The following PSPC1 variants were observed in gnomAD, a reference collection of about 807,000 sequenced individuals.
PSPC1 encodes paraspeckle component 1.
Under a neutral mutation model 51.6 loss-of-function variants are expected in PSPC1, and 14 were observed. That is an observed-to-expected ratio of 0.27 (90% CI 0.18 to 0.42). The LOEUF (loss-of-function observed/expected upper bound fraction) is 0.42. Among genes scored for constraint, PSPC1 ranks in the 10% least tolerant of loss-of-function variants. PSPC1 has a pLI of 1.00. For missense variants in PSPC1, 406 were observed against 701.1 expected, an observed-to-expected ratio of 0.58 and a Z score of 4.75; for synonymous variants, 193 against 231.9, an observed-to-expected ratio of 0.83 and a Z score of 1.53.
intron 3 of PSPC1, among the ~76,000 whole-genome samples, chr13:19,759,105 A>T (rs1887370067): frequency 6.6e-6 from 1 of 152,006 alleles, no homozygotes; most frequent in Non-Finnish European, 1.5e-5. Flanking sequence ...AGCCAAGATC[A>T]CACCACTGCA....
downstream of PSPC1, chr13:19,672,876 A>T (rs1876215109): frequency 5.8e-6 from 2 of 345,310 alleles, no homozygotes; most frequent in Non-Finnish European, 1.1e-5. Flanking sequence ...AGGTTGGAGG[A>T]TTGCTTAAGT....
At chr13:19,761,649 G>A (rs117218483) in intron 2 of PSPC1, among the ~76,000 whole-genome samples, 1 of 152,220 alleles carries the variant, frequency 6.6e-6, no homozygotes, top group East Asian at 1.9e-4. Flanking sequence ...ATATCATGGA[G>A]TGGTGGAATG....
At position 19,759,422 on chromosome 13, in the gene PSPC1, G is replaced by C; in HGVS notation, c.675-4C>G. The C allele has an allele frequency of 1.2e-6, 2 of 1,610,126 alleles. No individual in the cohort carries two copies. Among genetic ancestry groups the C allele is most frequent in the Admixed American group, 1.7e-5 (1 of 59,882 alleles). On this transcript the variant is annotated splice_polypyrimidine_tract_variant and splice_region_variant and intron_variant, in intron 2 of 8. Transcript: ENST00000338910. ...CACAATGACTGGACGAGGGGTCCTGGATAGGTATAAAAGCATTCATAAAAA... is the reference window on the plus strand; with the variant it reads ...CACAATGACTGGACGAGGGGTCCTGCATAGGTATAAAAGCATTCATAAAAA...
At chr13:19,685,511 TAAG>T (rs1204412181) in intron 6 of PSPC1, among the ~76,000 whole-genome samples, 1 of 152,158 alleles carries the variant, frequency 6.6e-6, no homozygotes, top group Non-Finnish European at 1.5e-5. Context: ...ATTCACAACT[TAAG>T]AAGGTCTCCC....
chr13:19,779,989 C>A lies in PSPC1; in HGVS notation c.372+2397G>T, dbSNP rs1593798355. Among the ~76,000 whole-genome samples the A allele has an allele frequency of 1.9e-4, 28 of 145,402 alleles. No individual in the cohort carries two copies. The East Asian group carries it at 3.9e-3, about 20-fold the overall frequency. ...GGTCGGCCCCCCGCCCGGCCAGCCG[C>A]CCCGTCCGGGAGGGAGGTGGGGGGG... On this transcript the variant is annotated intron_variant, in intron 1 of 8. Coordinates refer to ENST00000338910, the MANE Select transcript of PSPC1 (RefSeq NM_001354909.2).
intron 4 of PSPC1, among the ~76,000 whole-genome samples, chr13:19,743,438 T>C (rs1023529824): frequency 2.6e-5 from 4 of 151,478 alleles, no homozygotes; most frequent in African/African-American, 9.7e-5. Context: ...GTAAATATTG[T>C]TCTCCCCATT....
chr13:19,765,819 AAAGTT>A (rs1386980499), intron 2 of PSPC1, among the ~76,000 whole-genome samples: 1 of 152,162 alleles, frequency 6.6e-6, no homozygotes, highest in Non-Finnish European at 1.5e-5. Context: ...GCTTTCCTAA[AAAGTT>A]AAGTAGCAAT....
chr13:19,738,790 C>A (rs888760281), intron 5 of PSPC1, among the ~76,000 whole-genome samples: 1 of 152,016 alleles, frequency 6.6e-6, no homozygotes, highest in African/African-American at 2.4e-5. Flanking sequence ...GTCTATAGTC[C>A]CAGCTACTTG....
intron 5 of PSPC1, among the ~76,000 whole-genome samples, chr13:19,734,295 T>C (rs1366460082): frequency 2.0e-5 from 3 of 152,236 alleles, no homozygotes; most frequent in African/African-American, 7.2e-5. Flanking sequence ...TCACGTTACA[T>C]TTAATTGAAA....
intron 2 of PSPC1, among the ~76,000 whole-genome samples, chr13:19,768,261 T>C (rs982043676): frequency 1.3e-5 from 2 of 150,672 alleles, no homozygotes; most frequent in Non-Finnish European, 3.0e-5. Flanking sequence ...TAAAAGAAAA[T>C]TTAAAAACAA....
chr13:19,712,074 T>C (rs548104251), intron 6 of PSPC1, among the ~76,000 whole-genome samples: 22 of 152,282 alleles, frequency 1.4e-4, no homozygotes, highest in African/African-American at 4.1e-4. Flanking sequence ...ATAATATCTA[T>C]AGTATCTAGA....
At chr13:19,707,904 C>T (rs537807456) in intron 7 of PSPC1, among the ~76,000 whole-genome samples, 2 of 151,710 alleles carry the variant, frequency 1.3e-5, no homozygotes, top group East Asian at 1.9e-4. Context: ...TTAAATAGCA[C>T]CCCAGCATTT....
At chr13:19,695,358 C>T (rs1277545798) in intron 6 of PSPC1, among the ~76,000 whole-genome samples, 2 of 152,122 alleles carry the variant, frequency 1.3e-5, no homozygotes, top group East Asian at 3.9e-4. Context: ...AGAATGTAAA[C>T]ACACTTTTCT....
chr13:19,782,307 C>G lies in PSPC1; in HGVS notation c.372+79G>C. On this transcript the variant is annotated intron_variant, in intron 1 of 8. Transcript: ENST00000338910. This position sits in a 1 kb window ranked among gnomAD's most constrained non-coding sequence, Gnocchi z 4.5. ...CACAGGTTGAGACAGCGTCCTAGGACGAGGCTGGCCTCAGCCCCACGACCC... is the reference window on the plus strand; with the variant it reads ...CACAGGTTGAGACAGCGTCCTAGGAGGAGGCTGGCCTCAGCCCCACGACCC... 3 of 1,489,950 alleles carry G rather than the reference C, an allele frequency of 2.0e-6. No homozygotes were observed. Among genetic ancestry groups the G allele is most frequent in the Non-Finnish European group, 2.7e-6 (3 of 1,123,988 alleles). 92.3% of individuals were successfully genotyped at this position (1,489,950 alleles called of 1,614,324 possible).
chr13:19,702,248 C>A (rs1005664818), downstream of PSPC1, among the ~76,000 whole-genome samples: 6 of 152,280 alleles, frequency 3.9e-5, no homozygotes, highest in Admixed American at 2.6e-4. Context: ...TACAACACTG[C>A]AGAGTCAAGC....
At chr13:19,704,950 G>A (rs958332064) in intron 8 of PSPC1, among the ~76,000 whole-genome samples, 2 of 152,042 alleles carry the variant, frequency 1.3e-5, no homozygotes. Flanking sequence ...AATCATGACA[G>A]GTAATATTTT....
At chr13:19,721,598 A>C (rs1882774041) in intron 6 of PSPC1, among the ~76,000 whole-genome samples, 1 of 152,208 alleles carries the variant, frequency 6.6e-6, no homozygotes, top group South Asian at 2.1e-4. Flanking sequence ...TCATTTTCTA[A>C]ATTCTCAGAA....
At position 19,775,705 on chromosome 13, in the gene PSPC1, A is replaced by ACC. The variant is rs1889046047; in HGVS notation, c.373-3163_373-3162insGG. Among the ~76,000 whole-genome samples, 8 of 152,336 alleles carry ACC rather than the reference A, an allele frequency of 5.3e-5. 1 individual carries two copies. Among genetic ancestry groups the ACC allele is most frequent in the African/African-American group, 1.9e-4 (8 of 41,590 alleles). Reference sequence around the variant, plus strand: ...AGAGATGGGTACTTTCTTACCTAATACATCATATAATCCAACAACTCTTAA... The same window carrying ACC: ...AGAGATGGGTACTTTCTTACCTAATACCCATCATATAATCCAACAACTCTTAA... On this transcript the variant is annotated intron_variant, in intron 1 of 8. Coordinates refer to ENST00000338910, the MANE Select transcript of PSPC1 (RefSeq NM_001354909.2).
intron 2 of PSPC1, among the ~76,000 whole-genome samples, chr13:19,763,202 C>G (rs953210016): frequency 2.6e-5 from 4 of 151,956 alleles, no homozygotes; most frequent in Admixed American, 6.6e-5. Flanking sequence ...GTTGTCTAGG[C>G]TGGAGTGCAG....
Sources: gnomAD v4.1 joint callset for allele counts (sites outside exome capture counted in the v4.1 genomes callset) on GRCh38, gnomAD v4.1.1 for gene constraint, Gnocchi (gnomAD v3.1) non-coding constraint, MANE v1.5 for transcripts, NCBI Gene and HGNC (gene_info 2026-07-23, HGNC 2026-07-21) for gene names.